Variants in TMTC3 observed in about 807,000 individuals in gnomAD.
TMTC3 encodes transmembrane O-mannosyltransferase targeting cadherins 3, also known as protein O-mannosyl-transferase TMTC3.
TMTC3 carries 52 observed loss-of-function variants against 92.2 expected under a neutral mutation model. That is an observed-to-expected ratio of 0.56 (90% CI 0.45 to 0.71). The LOEUF is 0.71. Among genes scored for constraint, TMTC3 ranks in the 30% least tolerant of loss-of-function variants. The pLI is 0.00. For missense variants in TMTC3, 896 were observed against 1,057.1 expected, an observed-to-expected ratio of 0.85 and a Z score of 2.11; for synonymous variants, 339 against 363.3, an observed-to-expected ratio of 0.93 and a Z score of 0.76.
In TMTC3 at chr12:88,195,524, T is replaced by G; in HGVS notation, c.2620T>G (p.Leu874Val). ...AAGTCAGTCTAAATCCAACAAACAA[T>G]TAGGAAAAAATGGAGACGAAGAGAC... The part of the protein sequence containing the change: ...NKSQSKSNKQ[L>V]GKNGDEETPH... Residue 874 changes from leucine (L) to valine (V), a missense_variant, in exon 14 of 14, where the codon TTA becomes GTA. Coordinates refer to ENST00000266712, the MANE Select transcript of TMTC3 (RefSeq NM_181783.4). 6.2e-7 allele frequency: 1 copy of G among 1,612,496 alleles called. No individual in the cohort carries two copies. Among genetic ancestry groups the G allele is most frequent in the Non-Finnish European group, 8.5e-7 (1 of 1,179,454 alleles).
intron 10 of TMTC3, among the ~76,000 whole-genome samples, chr12:88,177,811 C>T (rs2041276404): frequency 6.6e-6 from 1 of 152,044 alleles, no homozygotes; most frequent in Non-Finnish European, 1.5e-5. Context: ...CAACTATGAC[C>T]ACTGCACTAA....
chr12:88,168,581 C>G (rs746078339), intron 7 of TMTC3, among the ~76,000 whole-genome samples: 1 of 152,146 alleles, frequency 6.6e-6, no homozygotes, highest in Non-Finnish European at 1.5e-5. Flanking sequence ...AGCTACTCAG[C>G]TGACTTTTTT....
chr12:88,149,612 A>G (rs1000914530), intron 2 of TMTC3, among the ~76,000 whole-genome samples: 1 of 152,162 alleles, frequency 6.6e-6, no homozygotes, highest in African/African-American at 2.4e-5. Flanking sequence ...TATTGAATAA[A>G]TTGTTGAAAC....
At chr12:88,186,419 T>C (rs548982970) in intron 10 of TMTC3, among the ~76,000 whole-genome samples, 1 of 152,120 alleles carries the variant, frequency 6.6e-6, no homozygotes, top group South Asian at 2.1e-4. Context: ...TGAGGAGAGA[T>C]AAGAAATGAA....
Position 88,195,166 on chromosome 12 carries a change from A to T in TMTC3, c.2262A>T (p.Leu754=). The T allele has an allele frequency of 2.5e-6, 4 of 1,613,874 alleles. No homozygotes were observed. Among genetic ancestry groups the T allele is most frequent in the Non-Finnish European group, 3.4e-6 (4 of 1,179,934 alleles). Residue 754 remains leucine (L), a synonymous_variant, in exon 14 of 14, where the codon CTA becomes CTT. Coordinates refer to ENST00000266712, the MANE Select transcript of TMTC3 (RefSeq NM_181783.4). ...DILMNQKKDI[L]GAKKCFERIL... ...TGATGAATCAAAAGAAAGATATACT[A>T]GGAGCAAAAAAATGTTTTGAAAGGA...
At chr12:88,194,753 TA>T in intron 13 of TMTC3, 84 bp from the exon 14 acceptor site, 2 of 904,824 alleles carry the variant, frequency 2.2e-6, no homozygotes, top group Non-Finnish European at 3.0e-6. Context: ...TGTCTTTTTG[TA>T]ATCTAAGTAT....
Position 88,153,373 on chromosome 12 carries a change from CAT to C in TMTC3, c.275_276del (p.Tyr92SerfsTer12). On this transcript the variant is annotated frameshift_variant, in exon 3 of 14. Coordinates refer to ENST00000266712, the MANE Select transcript of TMTC3 (RefSeq NM_181783.4). LOFTEE classifies it high-confidence loss of function. ...TTGTTAAGTGAACTAAAACCAATGT[CAT>C]ATCATCTCCTGAATATGATTTTTCA... 6.2e-7 allele frequency: 1 copy of C among 1,613,292 alleles called. No homozygotes were observed. The highest frequency in any genetic ancestry group is 8.5e-7 in the Non-Finnish European group (1 of 1,179,534).
chr12:88,184,255 G>A (rs1452856986), intron 10 of TMTC3, among the ~76,000 whole-genome samples: 1 of 152,088 alleles, frequency 6.6e-6, no homozygotes, highest in East Asian at 1.9e-4. Context: ...CACAATTTGT[G>A]GGTAATGAAC....
At chr12:88,175,177 A>T (rs868630459) in intron 9 of TMTC3, among the ~76,000 whole-genome samples, 2 of 148,240 alleles carry the variant, frequency 1.3e-5, no homozygotes, top group South Asian at 4.3e-4. Flanking sequence ...ATGTACAGCG[A>T]AAAAAAAAAG....
At position 88,143,811 on chromosome 12, in the gene TMTC3, G is replaced by A. The variant is rs551599008; in HGVS notation, c.-29+1324G>A. 7.9e-5 allele frequency among the ~76,000 whole-genome samples: 12 copies of A among 152,276 alleles called. No individual in the cohort carries two copies. In the South Asian group the frequency reaches 2.1e-3, roughly 26 times the overall value. On this transcript the variant is annotated intron_variant, in intron 1 of 13. Coordinates refer to ENST00000266712, the MANE Select transcript of TMTC3 (RefSeq NM_181783.4). ...AATTGGAGGTGCATACACCCCCATT[G>A]GAGGTGGTAGACTAAGGATTGTTAT... is the stretch of plus-strand genomic sequence containing the variant.
Position 88,198,740 on chromosome 12 carries a change from T to C in TMTC3, c.*3091T>C. The C allele has an allele frequency of 4.5e-6, 1 of 219,916 alleles. No individual in the cohort carries two copies. The highest frequency in any genetic ancestry group is 8.8e-6 in the Non-Finnish European group (1 of 113,520). The allele number at this position is 219,916 out of a possible 1,614,324, so 13.6% of individuals were successfully genotyped here. A position where few individuals can be genotyped will look rare whatever the true frequency, so the allele number is the denominator to read the frequency against. ...GCTTTAAAGATGCTTTAATGAAAAG[T>C]ATTAAGAAAATATATAGATTTGTAT... On this transcript the variant is annotated 3_prime_UTR_variant, in exon 14 of 14. Coordinates refer to ENST00000266712, the MANE Select transcript of TMTC3 (RefSeq NM_181783.4).
chr12:88,195,456 G>T lies in TMTC3; in HGVS notation c.2552G>T (p.Gly851Val), dbSNP rs138778751. ...IPTESVKEIR[G>V]ESRQTQIVKT... ...ACTGAAAGTGTAAAAGAAATTAGAGGTGAATCCAGACAAACACAAATAGTA... is the reference window on the plus strand; with the variant it reads ...ACTGAAAGTGTAAAAGAAATTAGAGTTGAATCCAGACAAACACAAATAGTA... Residue 851 changes from glycine (G) to valine (V), a missense_variant, in exon 14 of 14, where the codon GGT becomes GTT. Gly to Val is a moderately radical substitution (Grantham distance 109, BLOSUM62 -3). Transcript: ENST00000266712. 4 of 1,612,990 alleles carry T rather than the reference G, an allele frequency of 2.5e-6. No homozygotes were observed. In the African/African-American group the frequency reaches 5.4e-5, roughly 22 times the overall value.
chr12:88,146,926 G>A (rs985344785), intron 1 of TMTC3, among the ~76,000 whole-genome samples: 22 of 149,812 alleles, frequency 1.5e-4, no homozygotes, highest in African/African-American at 4.9e-4. Context: ...TTTATTATAC[G>A]TATTATTGTA....
Position 88,195,797 on chromosome 12 carries a change from A to G in TMTC3, c.*148A>G, listed in dbSNP as rs1301610252. On this transcript the variant is annotated 3_prime_UTR_variant, in exon 14 of 14. Transcript: ENST00000266712. ...GTAGGATCAAAATAAGATTTTCATTAAAGACCTGTATTATCCCAGGATGTA... is the reference window on the plus strand; with the variant it reads ...GTAGGATCAAAATAAGATTTTCATTGAAGACCTGTATTATCCCAGGATGTA... The G allele has an allele frequency of 1.6e-6, 1 of 607,522 alleles. No homozygotes were observed. Among genetic ancestry groups the G allele is most frequent in the East Asian group, 2.9e-5 (1 of 34,802 alleles). 37.6% of individuals were successfully genotyped at this position (607,522 alleles called of 1,614,324 possible).
At chr12:88,179,349 A>T (rs1476875802) in intron 10 of TMTC3, among the ~76,000 whole-genome samples, 1 of 152,130 alleles carries the variant, frequency 6.6e-6, no homozygotes, top group Non-Finnish European at 1.5e-5. Flanking sequence ...GGTTAGTTAA[A>T]AGTTTGGACT....
chr12:88,145,939 T>C (rs1173327334), intron 1 of TMTC3, among the ~76,000 whole-genome samples: 1 of 152,170 alleles, frequency 6.6e-6, no homozygotes, highest in Non-Finnish European at 1.5e-5. Context: ...TTTGTGCACA[T>C]ATATAGTAAC....
At chr12:88,142,700 A>T (rs2040758730) in intron 1 of TMTC3, among the ~76,000 whole-genome samples, 1 of 152,214 alleles carries the variant, frequency 6.6e-6, no homozygotes, top group Non-Finnish European at 1.5e-5. Flanking sequence ...TTAGTATCAG[A>T]ATCTGTCTTG....
rs1259061521 is a variant in TMTC3, at chr12:88,195,818, A to T, written c.*169A>T. The stretch of plus-strand genomic sequence containing the variant: ...CATTAAAGACCTGTATTATCCCAGG[A>T]TGTATATTATGTATCGCTGTTTTCA... On this transcript the variant is annotated 3_prime_UTR_variant, in exon 14 of 14. Transcript: ENST00000266712. The T allele has an allele frequency of 2.0e-6, 1 of 498,490 alleles. No homozygotes were observed. The highest frequency in any genetic ancestry group is 3.5e-6 in the Non-Finnish European group (1 of 287,936). The allele number at this position is 498,490 out of a possible 1,614,324, so 30.9% of individuals were successfully genotyped here.
chr12:88,152,999 A>T (rs148797381), intron 2 of TMTC3, among the ~76,000 whole-genome samples: 1,874 of 152,196 alleles, frequency 0.012, 51 homozygotes, highest in African/African-American at 0.043. Context: ...GTCTTTTTTT[A>T]AAATTGTTAT....
Sources: gnomAD v4.1 joint callset for allele counts (sites outside exome capture counted in the v4.1 genomes callset) on GRCh38, gnomAD v4.1.1 for gene constraint, MANE v1.5 for transcripts, NCBI Gene and HGNC (gene_info 2026-07-23, HGNC 2026-07-21) for gene names.